ECHDC1: variants seen among roughly 807,000 people sequenced by gnomAD.
ECHDC1 encodes the protein ethylmalonyl-CoA decarboxylase.
Under a neutral mutation model 29.7 loss-of-function variants are expected in ECHDC1, and 29 were observed. The observed-to-expected ratio is 0.98, with a 90% confidence interval of 0.73 to 1.33. The LOEUF is 1.33. Ranked by LOEUF, ECHDC1 falls within the 40% of genes most tolerant of loss-of-function variation. The pLI, the probability that ECHDC1 is intolerant of heterozygous loss-of-function variation, is 0.00. For missense variants in ECHDC1, 328 were observed against 350.0 expected, an observed-to-expected ratio of 0.94 and a Z score of 0.50; for synonymous variants, 126 against 123.1, an observed-to-expected ratio of 1.02 and a Z score of -0.15.
intron 5 of ECHDC1, among the ~76,000 whole-genome samples, chr6:127,296,809 AGCCTGG>A (rs1780637304): frequency 6.6e-6 from 1 of 152,132 alleles, no homozygotes; most frequent in Non-Finnish European, 1.5e-5. Flanking sequence ...GTTTGAGACC[AGCCTGG>A]GCAACATGAC....
chr6:127,292,738 A>T (rs527411516), intron 5 of ECHDC1, among the ~76,000 whole-genome samples: 43 of 152,210 alleles, frequency 2.8e-4, no homozygotes, highest in African/African-American at 1.0e-3. Context: ...GTTTCCTGAT[A>T]GACCCTACAG....
At chr6:127,292,927 A>G (rs539700681) in intron 5 of ECHDC1, among the ~76,000 whole-genome samples, 139 of 152,250 alleles carry the variant, frequency 9.1e-4, no homozygotes, top group African/African-American at 3.2e-3. Context: ...AAGAATGATA[A>G]GTGTCTTCTA....
At position 127,309,806 on chromosome 6, in the gene ECHDC1, G is replaced by A. The variant is rs543253416; in HGVS notation, c.497+5010C>T. Among the ~76,000 whole-genome samples the A allele has an allele frequency of 1.5e-4, 23 of 152,306 alleles. No individual in the cohort carries two copies. In the East Asian group the frequency reaches 3.3e-3, roughly 22 times the overall value. ...TTACAATCATGGCAGAAGGCGAAGCGGAAGCAGGCATATCTTCACATGACA... is the reference window on the plus strand; with the variant it reads ...TTACAATCATGGCAGAAGGCGAAGCAGAAGCAGGCATATCTTCACATGACA... On this transcript the variant is annotated intron_variant, in intron 5 of 5. Coordinates refer to ENST00000454859, the MANE Select transcript of ECHDC1 (RefSeq NM_001002030.2).
Position 127,290,222 on chromosome 6 carries a change from G to A in ECHDC1, c.553C>T (p.Pro185Ser), listed in dbSNP as rs1229873025. Residue 185 changes from proline to serine, a missense_variant, in exon 6 of 6, where the codon CCA (proline) becomes TCA (serine). Physicochemically the swap from Pro to Ser is moderately conservative, Grantham distance 74 (BLOSUM62 -1). Coordinates refer to ENST00000454859, the MANE Select transcript of ECHDC1 (RefSeq NM_001002030.2). ...RFVHKEMGII[P>S]SWGGTTRLVE... Reference sequence around the variant, plus strand: ...AGCCGGGTGGTGCCACCCCAGCTTGGTATTATGCCCATCTCTTTGTGGACG... The same window carrying A: ...AGCCGGGTGGTGCCACCCCAGCTTGATATTATGCCCATCTCTTTGTGGACG... 4.3e-6 allele frequency: 7 copies of A among 1,613,370 alleles called. No homozygotes were observed. The highest frequency in any genetic ancestry group is 1.3e-5 in the African/African-American group (1 of 74,854).
intron 5 of ECHDC1, among the ~76,000 whole-genome samples, chr6:127,298,589 AAGGTATAC>A (rs71650995): frequency 0.016 from 2,431 of 152,288 alleles, 43 homozygotes; most frequent in Middle Eastern, 0.054. Context: ...CTTTATAAAT[AAGGTATAC>A]AGTCATGCAC....
At position 127,330,836 on chromosome 6, in the gene ECHDC1, TG is replaced by T; in HGVS notation, c.192del (p.Asn64LysfsTer6). ...GAAAAGGCATTCATTCTACTTGGAT[TG>T]TTCAGAGTAAGAATGCCAATGCCAT... ...EDNGIGILTLNNPSRMNAFSG... is the reference protein window; with the variant it reads ...EDNGIGILTLXNPSRMNAFSG... On this transcript the variant is annotated frameshift_variant, in exon 2 of 6. Transcript: ENST00000454859. LOFTEE classifies it high-confidence loss of function. 6.2e-7 allele frequency: 1 copy of T among 1,614,006 alleles called. No homozygotes were observed. The highest frequency in any genetic ancestry group is 8.5e-7 in the Non-Finnish European group (1 of 1,179,944).
chr6:127,325,366 A>C (rs898174902), intron 3 of ECHDC1, among the ~76,000 whole-genome samples: 1 of 152,220 alleles, frequency 6.6e-6, no homozygotes, highest in Admixed American at 6.5e-5. Context: ...CTTGAAGCAG[A>C]AAAGGGATAC....
rs909093381 is a variant in ECHDC1, at chr6:127,331,926, T to A, written c.-2-896A>T. 4 of 967,598 alleles carry A rather than the reference T, an allele frequency of 4.1e-6. No homozygotes were observed. In the African/African-American group the frequency reaches 7.0e-5, roughly 17 times the overall value. The allele number at this position is 967,598 out of a possible 1,614,324, so 59.9% of individuals were successfully genotyped here. On this transcript the variant is annotated intron_variant, in intron 1 of 5. Coordinates refer to ENST00000454859, the MANE Select transcript of ECHDC1 (RefSeq NM_001002030.2). ...GTGTGGTTTTTCTGTTCCCCAAGGT[T>A]CTGTCACTTTTCTCCTCTTAATTTT...
chr6:127,328,749 G>A (rs991802679), intron 2 of ECHDC1, among the ~76,000 whole-genome samples: 6 of 152,108 alleles, frequency 3.9e-5, no homozygotes, highest in Admixed American at 2.6e-4. Flanking sequence ...AAAACAGGCC[G>A]GGTGCAGTGG....
chr6:127,296,593 C>T (rs1780616648), intron 5 of ECHDC1, among the ~76,000 whole-genome samples: 1 of 151,928 alleles, frequency 6.6e-6, no homozygotes, highest in Non-Finnish European at 1.5e-5. Flanking sequence ...ACTTGAAGAA[C>T]TTTAAAAAAT....
intron 5 of ECHDC1, among the ~76,000 whole-genome samples, chr6:127,301,117 T>G (rs1158313408): frequency 2.6e-5 from 4 of 152,206 alleles, no homozygotes; most frequent in Non-Finnish European, 1.5e-5. Flanking sequence ...GTCTTTTACT[T>G]TTAAAAATGT....
At chr6:127,314,553 G>C (rs931561911) in intron 5 of ECHDC1, among the ~76,000 whole-genome samples, 2 of 151,938 alleles carry the variant, frequency 1.3e-5, no homozygotes, top group Non-Finnish European at 2.9e-5. Flanking sequence ...CCTTCCAGGA[G>C]TTTTGCTAAT....
rs918209905 is a variant in ECHDC1 at position 127,324,953 on chromosome 6, T to C, written c.363+2049A>G. On this transcript the variant is annotated intron_variant, in intron 3 of 5. Transcript: ENST00000454859. Reference sequence around the variant, plus strand: ...CCCCCTTCCAGGAGATGGAATTTATTTTCCCTTCCCCCTTGAGTGTAGACT... The same window carrying C: ...CCCCCTTCCAGGAGATGGAATTTATCTTCCCTTCCCCCTTGAGTGTAGACT... 5.3e-5 allele frequency among the ~76,000 whole-genome samples: 8 copies of C among 152,308 alleles called. 1 individual carries two copies. The highest frequency in any genetic ancestry group is 6.8e-3 in the Middle Eastern group (2 of 294).
chr6:127,321,676 A>C (rs1044667459), intron 3 of ECHDC1, among the ~76,000 whole-genome samples: 7 of 152,214 alleles, frequency 4.6e-5, no homozygotes, highest in African/African-American at 1.7e-4. Flanking sequence ...GATAATAAAG[A>C]ATTCATCTAC....
At chr6:127,342,260 T>A (rs767647269) in intron 1 of ECHDC1, 42 of 1,302,134 alleles carry the variant, frequency 3.2e-5, no homozygotes, top group Non-Finnish European at 3.9e-5. Context: ...GCATTTGCAG[T>A]GCCTAAAGAT....
chr6:127,315,411 A>C, intron 4 of ECHDC1: 1 of 294,418 alleles, frequency 3.4e-6, no homozygotes. Context: ...TGTTGCCTGA[A>C]ATAATCCACA....
rs531904352 is a variant in ECHDC1 at position 127,322,630 on chromosome 6, C to CTA, written c.363+4370_363+4371dup. On this transcript the variant is annotated intron_variant, in intron 3 of 5. Transcript: ENST00000454859. ...ATGCCAGACCAATGATGTATATATA[C>CTA]TATATATATATGTGTGTATATATAT... is the stretch of plus-strand genomic sequence containing the variant. 3.2e-3 allele frequency among the ~76,000 whole-genome samples: 389 copies of CTA among 119,716 alleles called. 4 individuals are homozygous for CTA. In the Middle Eastern group the frequency reaches 0.035, roughly 11 times the overall value. The allele number at this position is 119,716 out of a possible 152,430, so 78.5% of individuals were successfully genotyped here.
chr6:127,328,752 T>C (rs908268543), intron 2 of ECHDC1, among the ~76,000 whole-genome samples: 15 of 152,240 alleles, frequency 9.9e-5, no homozygotes, highest in Admixed American at 2.0e-4. Context: ...ACAGGCCGGG[T>C]GCAGTGGCTC....
chr6:127,319,370 A>C (rs142810236), intron 3 of ECHDC1, among the ~76,000 whole-genome samples: 1,607 of 152,322 alleles, frequency 0.011, 24 homozygotes, highest in Non-Finnish European at 0.012. Flanking sequence ...GCACAAAATA[A>C]GGTTAGAACA....
Sources: allele counts gnomAD v4.1 joint callset (sites outside exome capture counted in the v4.1 genomes callset), GRCh38; gene constraint gnomAD v4.1.1; transcripts MANE v1.5; gene names NCBI Gene and HGNC (gene_info 2026-07-23, HGNC 2026-07-21).